SYNE2: variants seen among roughly 807,000 people sequenced by gnomAD.
The protein encoded by SYNE2 is nesprin-2.
Under a neutral mutation model 856.3 loss-of-function variants are expected in SYNE2, and 431 were observed. The observed-to-expected ratio is 0.50, with a 90% CI of 0.47 to 0.55. The LOEUF is 0.55. Ranked by LOEUF, SYNE2 falls within the 20% of genes least tolerant of loss-of-function variation. SYNE2 has a pLI of 0.00. For missense variants in SYNE2, 8,129 were observed against 8,023.2 expected, an observed-to-expected ratio of 1.01 and a Z score of -0.50; for synonymous variants, 2,923 against 2,872.3, an observed-to-expected ratio of 1.02 and a Z score of -0.56.
Position 64,003,184 on chromosome 14 carries a change from G to A in SYNE2, c.4251G>A (p.Gly1417=), listed in dbSNP as rs749421214. The A allele has an allele frequency of 6.2e-7, 1 of 1,614,072 alleles. No individual in the cohort carries two copies. Among genetic ancestry groups the A allele is most frequent in the African/African-American group, 1.3e-5 (1 of 75,024 alleles). Residue 1417 remains glycine, a synonymous_variant, in exon 30 of 116, where the codon GGG becomes GGA. Transcript: ENST00000555002. ...SIKLSETHGY[G]VQEEFTEENK... ...AGTTATCTGAGACACATGGCTATGGGGTACAGGAGGAATTCACTGAGGAAA... is the reference window on the plus strand; with the variant it reads ...AGTTATCTGAGACACATGGCTATGGAGTACAGGAGGAATTCACTGAGGAAA...
rs149525626 is a variant in SYNE2 at position 63,961,184 on chromosome 14, G to A, written c.788-341G>A. Among the ~76,000 whole-genome samples the A allele has an allele frequency of 3.1e-4, 47 of 152,342 alleles. 1 individual carries two copies. The East Asian group carries it at 9.1e-3, about 29-fold the overall frequency. On this transcript the variant is annotated intron_variant, in intron 8 of 115. Transcript: ENST00000555002. Reference sequence around the variant, plus strand: ...TCCTGGAGGAATTTCTGCACTATGTGTCTAGAAAGAGGAATGCTTTATTTT... The same window carrying A: ...TCCTGGAGGAATTTCTGCACTATGTATCTAGAAAGAGGAATGCTTTATTTT...
At chr14:64,005,639 T>G (rs1451296264) in intron 30 of SYNE2, among the ~76,000 whole-genome samples, 2 of 152,220 alleles carry the variant, frequency 1.3e-5, no homozygotes, top group Non-Finnish European at 2.9e-5. Context: ...TTAGGTGTGC[T>G]CAGTTTTAGA....
rs1225859792 is a variant in SYNE2, at chr14:63,942,160, T to C, written c.408+17T>C. 6 of 1,452,006 alleles carry C rather than the reference T, an allele frequency of 4.1e-6. No homozygotes were observed. Among genetic ancestry groups the C allele is most frequent in the Admixed American group, 1.7e-5 (1 of 59,782 alleles). 89.9% of individuals were successfully genotyped at this position (1,452,006 alleles called of 1,614,324 possible). The stretch of plus-strand genomic sequence containing the variant: ...CACTTTCATGTAAGTAGTTTGATGA[T>C]ATAAAAATTATTTCTACCCTACCAC... On this transcript the variant is annotated intron_variant, in intron 6 of 115. Transcript: ENST00000555002.
intron 8 of SYNE2, among the ~76,000 whole-genome samples, chr14:63,958,697 G>C (rs1255877): frequency 0.68 from 103,402 of 151,974 alleles, 35,400 homozygotes; most frequent in South Asian, 0.77. Flanking sequence ...GGAGAGTTAA[G>C]GCTCACTCTC....
chr14:63,831,006 A>G (rs1210066771), intron 1 of SYNE2, among the ~76,000 whole-genome samples: 2 of 151,688 alleles, frequency 1.3e-5, no homozygotes, highest in Non-Finnish European at 2.9e-5. Flanking sequence ...CTGCCCGGCT[A>G]ATTTTTGTAT....
At chr14:63,991,680 TC>T (rs1368904184) in intron 21 of SYNE2, among the ~76,000 whole-genome samples, 2 of 152,174 alleles carry the variant, frequency 1.3e-5, no homozygotes, top group African/African-American at 4.8e-5. Context: ...AACCAGAGAC[TC>T]ACTATTAATT....
chr14:63,871,394 G>C (rs939015830), intron 1 of SYNE2, among the ~76,000 whole-genome samples: 6 of 151,954 alleles, frequency 3.9e-5, no homozygotes, highest in Non-Finnish European at 8.8e-5. Context: ...TTTTAGTAGA[G>C]ACGGGGTTTC....
chr14:63,912,453 C>T (rs757114591), intron 2 of SYNE2, among the ~76,000 whole-genome samples: 7 of 152,078 alleles, frequency 4.6e-5, no homozygotes, highest in Non-Finnish European at 7.4e-5. Flanking sequence ...CAAGCAGACT[C>T]GTATTTCACA....
At chr14:63,831,629 C>T (rs1174001426) in intron 1 of SYNE2, among the ~76,000 whole-genome samples, 2 of 141,400 alleles carry the variant, frequency 1.4e-5, no homozygotes, top group Non-Finnish European at 3.0e-5. Flanking sequence ...AATCTCGGCT[C>T]ACTGAAACCT....
intron 1 of SYNE2, among the ~76,000 whole-genome samples, chr14:63,790,239 G>T (rs910884698): frequency 1.3e-5 from 2 of 152,020 alleles, no homozygotes; most frequent in African/African-American, 4.8e-5. Context: ...GGTTCAGGTG[G>T]GGGGATCACC....
chr14:63,796,732 T>TA (rs1364387636), intron 1 of SYNE2, among the ~76,000 whole-genome samples: 4 of 151,516 alleles, frequency 2.6e-5, no homozygotes, highest in African/African-American at 9.7e-5. Context: ...AAGATATAAC[T>TA]CAGATTTCAA....
In SYNE2 at chr14:63,785,287, C is replaced by T. The variant is rs147957461; in HGVS notation, c.-305+23301C>T. On this transcript the variant is annotated intron_variant, in intron 1 of 23. Coordinates refer to the SYNE2 transcript ENST00000674003. The stretch of plus-strand genomic sequence containing the variant: ...CAGCCTGAGAAACATGGCAAAACCC[C>T]GTCTCTACCAAAAATACAAAATGTA... 9.2e-3 allele frequency among the ~76,000 whole-genome samples: 1,397 copies of T among 152,050 alleles called. 14 individuals are homozygous for T. Among genetic ancestry groups the T allele is most frequent in the South Asian group, 0.045 (214 of 4,804 alleles).
In SYNE2 at chr14:63,967,858, T is replaced by G. The variant is rs1410362725; in HGVS notation, c.1128+12T>G. ...GCCTCGATCACCAGGTGACTGTTTG[T>G]GTTGATTAGAAGAATATTTTCAGGC... On this transcript the variant is annotated intron_variant, in intron 11 of 115. Coordinates refer to ENST00000555002, the MANE Select transcript of SYNE2 (RefSeq NM_182914.3). The G allele has an allele frequency of 3.7e-6, 6 of 1,613,514 alleles. No individual in the cohort carries two copies. The East Asian group carries it at 1.3e-4, about 36-fold the overall frequency.
chr14:63,889,177 A>G (rs1247725942), intron 1 of SYNE2, among the ~76,000 whole-genome samples: 1 of 151,310 alleles, frequency 6.6e-6, no homozygotes, highest in African/African-American at 2.4e-5. Context: ...TTTCTGGAAC[A>G]TTAAAAATTA....
chr14:64,108,133 G>A (rs989337546), intron 65 of SYNE2, among the ~76,000 whole-genome samples: 8 of 152,148 alleles, frequency 5.3e-5, no homozygotes, highest in African/African-American at 1.9e-4. Flanking sequence ...TGGATCACCT[G>A]ATGTCAGGAG....
chr14:64,025,779 C>T (rs1038017030), intron 41 of SYNE2, among the ~76,000 whole-genome samples: 10 of 152,086 alleles, frequency 6.6e-5, no homozygotes, highest in South Asian at 2.1e-4. Flanking sequence ...TCAGCAATGT[C>T]GAGGCAGGGG....
In SYNE2 at chr14:64,162,210, C is replaced by G; in HGVS notation, c.16233C>G (p.Leu5411=). 1 of 1,614,202 alleles carries G rather than the reference C, an allele frequency of 6.2e-7. No homozygotes were observed. Among genetic ancestry groups the G allele is most frequent in the African/African-American group, 1.3e-5 (1 of 75,058 alleles). Residue 5411 remains leucine, a synonymous_variant, in exon 88 of 116, where the codon CTC becomes CTG. Transcript: ENST00000555002. The part of the protein sequence containing the change: ...LKQQEAKFQQ[L]ANISMSGNNL... ...AGCAGGAAGCAAAGTTTCAACAGCT[C>G]GCAAACATCAGCATGTCTGGAAACA...
chr14:63,815,159 C>CAT (rs200196902), intron 1 of SYNE2, among the ~76,000 whole-genome samples: 34,018 of 66,816 alleles, frequency 0.51, 11,979 homozygotes, highest in South Asian at 0.69. Context: ...CATATATATC[C>CAT]ATATATATCC....
chr14:63,954,659 G>T (rs1171380541), intron 7 of SYNE2, 60 bp from the exon 8 acceptor site: 1 of 1,446,914 alleles, frequency 6.9e-7, no homozygotes, highest in Non-Finnish European at 9.7e-7. Flanking sequence ...TGAATATAGT[G>T]GAGGGGGGTG....
Sources: gnomAD v4.1 joint callset for allele counts (sites outside exome capture counted in the v4.1 genomes callset) on GRCh38, gnomAD v4.1.1 for gene constraint, MANE v1.5 for transcripts, NCBI Gene and HGNC (gene_info 2026-07-23, HGNC 2026-07-21) for gene names.